LYRM4: variants seen among roughly 807,000 people sequenced by gnomAD.
The protein encoded by LYRM4 is LYR motif-containing protein 4.
A neutral mutation model predicts 11.7 loss-of-function variants in LYRM4; 9 were observed. That is an observed-to-expected ratio of 0.77 (90% CI 0.46 to 1.34). LYRM4 has a LOEUF of 1.34. Among genes scored for constraint, LYRM4 ranks in the 40% most tolerant of loss-of-function variants. LYRM4 has a pLI of 0.00. For missense variants in LYRM4, 133 were observed against 112.5 expected, an observed-to-expected ratio of 1.18 and a Z score of -0.82; for synonymous variants, 42 against 40.4, an observed-to-expected ratio of 1.04 and a Z score of -0.15.
chr6:5,128,522 GA>G (rs1561815177), intron 2 of LYRM4, among the ~76,000 whole-genome samples: 1 of 152,186 alleles, frequency 6.6e-6, no homozygotes, highest in African/African-American at 2.4e-5. Flanking sequence ...AGATAAAAAG[GA>G]GCCACCTTTA....
chr6:5,167,809 A>G (rs950255784), intron 2 of LYRM4, among the ~76,000 whole-genome samples: 3 of 152,104 alleles, frequency 2.0e-5, no homozygotes, highest in African/African-American at 7.2e-5. Context: ...TTTTTAAGCT[A>G]TGAATGGGGT....
At chr6:5,038,304 T>C in the LYRM4 span, among the ~76,000 whole-genome samples, 21 of 38,260 alleles carry the variant, frequency 5.5e-4, 3 homozygotes, top group Admixed American at 1.1e-3. Flanking sequence ...CGGGCAGAGA[T>C]GCTCCTCACT....
chr6:5,256,365 C>T (rs967863363), intron 1 of LYRM4, among the ~76,000 whole-genome samples: 1 of 151,616 alleles, frequency 6.6e-6, no homozygotes, highest in Non-Finnish European at 1.5e-5. Context: ...TGGCAGGCAC[C>T]TGTAATCCCA....
intron 1 of LYRM4, among the ~76,000 whole-genome samples, chr6:5,249,972 C>T (rs1764357382): frequency 6.6e-6 from 1 of 152,116 alleles, no homozygotes; most frequent in African/African-American, 2.4e-5. Flanking sequence ...CTATTAGGTT[C>T]ATTATAGCCA....
At chr6:5,037,587 C>T in the LYRM4 span, among the ~76,000 whole-genome samples, 9 of 81,626 alleles carry the variant, frequency 1.1e-4, no homozygotes, top group South Asian at 9.8e-4. Context: ...TAGGGGCGGC[C>T]GGGCAGAGGC....
chr6:5,250,700 C>A (rs111238306), intron 1 of LYRM4, among the ~76,000 whole-genome samples: 1 of 147,720 alleles, frequency 6.8e-6, no homozygotes, highest in African/African-American at 2.6e-5. Flanking sequence ...TATATGAAAT[C>A]CAGTAATATA....
chr6:5,135,566 A>T (rs985392376), intron 2 of LYRM4, among the ~76,000 whole-genome samples: 1 of 143,036 alleles, frequency 7.0e-6, no homozygotes, highest in African/African-American at 2.7e-5. Context: ...GGATCGCTCC[A>T]GGTGTGATTT....
Position 5,197,799 on chromosome 6 carries a change from T to C in LYRM4, c.207+18819A>G, listed in dbSNP as rs187108220. Among the ~76,000 whole-genome samples, 401 of 152,288 alleles carry C rather than the reference T, an allele frequency of 2.6e-3. 7 individuals carry two copies. Among genetic ancestry groups the C allele is most frequent in the Admixed American group, 0.02 (303 of 15,302 alleles). On this transcript the variant is annotated intron_variant, in intron 2 of 2. Coordinates refer to ENST00000330636, the MANE Select transcript of LYRM4 (RefSeq NM_020408.6). ...ATAACCTAATCAAGGTCACATTTCC[T>C]ATGTGTAGGCAAGAGGGAGGATTTG...
intron 2 of LYRM4, among the ~76,000 whole-genome samples, chr6:5,126,138 T>A (rs141093288): frequency 6.6e-6 from 1 of 152,372 alleles, no homozygotes; most frequent in African/African-American, 2.4e-5. Context: ...TGAAGATTAT[T>A]TCCTTTACTT....
At chr6:5,166,022 A>T (rs570293883) in intron 2 of LYRM4, among the ~76,000 whole-genome samples, 118 of 152,074 alleles carry the variant, frequency 7.8e-4, no homozygotes, top group East Asian at 6.0e-3. Context: ...TGTTTTTTTT[A>T]AAATTATAAA....
At chr6:5,041,171 A>G in the LYRM4 span, among the ~76,000 whole-genome samples, 2 of 151,832 alleles carry the variant, frequency 1.3e-5, no homozygotes, top group Non-Finnish European at 2.9e-5. Context: ...CTCAAAAAAA[A>G]AAAAGTTACA....
intron 2 of LYRM4, among the ~76,000 whole-genome samples, chr6:5,173,201 T>C (rs1368153498): frequency 6.6e-6 from 1 of 152,260 alleles, no homozygotes; most frequent in Non-Finnish European, 1.5e-5. Flanking sequence ...CAATATGAAT[T>C]TGCCAGAGAT....
At chr6:5,225,460 C>T (rs1041418490) in intron 1 of LYRM4, among the ~76,000 whole-genome samples, 1 of 151,974 alleles carries the variant, frequency 6.6e-6, no homozygotes, top group African/African-American at 2.4e-5. Flanking sequence ...CCTTCACAAA[C>T]GGTAGCATTC....
At chr6:5,050,599 C>A in the LYRM4 span, among the ~76,000 whole-genome samples, 1 of 151,954 alleles carries the variant, frequency 6.6e-6, no homozygotes, top group Non-Finnish European at 1.5e-5. Context: ...ACATCAACAA[C>A]AACAACATAT....
At chr6:5,076,129 A>G in the LYRM4 span, among the ~76,000 whole-genome samples, 1 of 151,984 alleles carries the variant, frequency 6.6e-6, no homozygotes, top group Non-Finnish European at 1.5e-5. Context: ...ATTTTTTTGT[A>G]GAGACAGGGT....
At chr6:5,218,364 G>T in intron 1 of LYRM4, 2 of 985,034 alleles carry the variant, frequency 2.0e-6, no homozygotes, top group Non-Finnish European at 2.4e-6. Context: ...GGAGCAGCGC[G>T]GAGGGGGTGT....
intron 2 of LYRM4, among the ~76,000 whole-genome samples, chr6:5,197,430 T>C (rs888015633): frequency 3.9e-5 from 6 of 152,128 alleles, no homozygotes; most frequent in Admixed American, 2.6e-4. Context: ...TCCCAGCGCT[T>C]TGGGAGGCCG....
At chr6:5,185,249 T>A (rs1030208030) in intron 2 of LYRM4, among the ~76,000 whole-genome samples, 1 of 152,188 alleles carries the variant, frequency 6.6e-6, no homozygotes, top group Non-Finnish European at 1.5e-5. Context: ...TTGTCCTTCA[T>A]TGACTAAACA....
At chr6:5,139,951 C>T (rs72811642) in intron 2 of LYRM4, among the ~76,000 whole-genome samples, 30,628 of 150,156 alleles carry the variant, frequency 0.2, 3,653 homozygotes, top group African/African-American at 0.32. Flanking sequence ...GATCCTCCCA[C>T]GTAAGCCTCC....
Sources: gnomAD v4.1 joint callset for allele counts (sites outside exome capture counted in the v4.1 genomes callset) on GRCh38, gnomAD v4.1.1 for gene constraint, MANE v1.5 for transcripts, NCBI Gene and HGNC (gene_info 2026-07-23, HGNC 2026-07-21) for gene names.